SCTR: variants seen among roughly 807,000 people sequenced by gnomAD.
SCTR encodes the protein pancreatic secretin receptor.
In SCTR, 56 loss-of-function variants were observed where a neutral mutation model predicts 60.8. That is an observed-to-expected ratio of 0.92 (90% confidence interval 0.74 to 1.15). The LOEUF is 1.15. SCTR is among the 50% of genes most tolerant of loss of function. The pLI is 0.00. For synonymous variants in SCTR, 202 were observed against 217.0 expected, an observed-to-expected ratio of 0.93 and a Z score of 0.61; for missense variants, 562 against 550.4, an observed-to-expected ratio of 1.02 and a Z score of -0.21.
chr2:119,454,162 C>T (rs1375107885), intron 7 of SCTR, among the ~76,000 whole-genome samples: 1 of 152,166 alleles, frequency 6.6e-6, no homozygotes, highest in Non-Finnish European at 1.5e-5. Context: ...AACAGAAGTG[C>T]TGTCTGGGGC....
intron 7 of SCTR, among the ~76,000 whole-genome samples, chr2:119,459,040 C>A (rs1225578324): frequency 6.6e-6 from 1 of 152,214 alleles, no homozygotes; most frequent in East Asian, 1.9e-4. Context: ...TGTTAAAAAC[C>A]TTAAACGTGC....
chr2:119,459,583 C>T (rs151067912), intron 7 of SCTR, among the ~76,000 whole-genome samples: 23 of 152,298 alleles, frequency 1.5e-4, no homozygotes, highest in African/African-American at 5.3e-4. Flanking sequence ...CCTTCAGGGT[C>T]TCTTTGGTGT....
intron 1 of SCTR, 68 bp downstream of exon 1, chr2:119,524,087 G>C: frequency 7.7e-7 from 1 of 1,293,660 alleles, no homozygotes. Context: ...CATCCTGCCC[G>C]AGGCCGGAGA....
rs575038029 is a variant in SCTR at position 119,475,064 on chromosome 2, T to C, written c.302-1508A>G. ...GAGAGCACACGGAAAATGCCTAGGC[T>C]GGTGCCAGGCACAGAGCGGGCACCG... On this transcript the variant is annotated intron_variant, in intron 3 of 12. Coordinates refer to ENST00000019103, the MANE Select transcript of SCTR (RefSeq NM_002980.3). 7.2e-5 allele frequency among the ~76,000 whole-genome samples: 11 copies of C among 152,320 alleles called. No individual in the cohort carries two copies. The East Asian group carries it at 1.9e-3, about 27-fold the overall frequency.
chr2:119,512,150 TTA>T (rs1678966974), intron 1 of SCTR, among the ~76,000 whole-genome samples: 1 of 152,194 alleles, frequency 6.6e-6, no homozygotes, highest in East Asian at 1.9e-4. Context: ...TTAAAAAATA[TTA>T]TGTTTTTAAT....
chr2:119,479,372 A>G (rs766820709), intron 2 of SCTR: 49 of 762,442 alleles, frequency 6.4e-5, no homozygotes, highest in Non-Finnish European at 7.3e-5. Context: ...TCCTGCATGA[A>G]TTGGTTTGGG....
At chr2:119,510,490 G>A (rs1248415323) in intron 1 of SCTR, among the ~76,000 whole-genome samples, 1 of 152,184 alleles carries the variant, frequency 6.6e-6, no homozygotes, top group East Asian at 1.9e-4. Context: ...AGATGTGGGA[G>A]ATGAGAAACA....
At chr2:119,503,299 T>A (rs1394422620) in intron 1 of SCTR, among the ~76,000 whole-genome samples, 3 of 152,090 alleles carry the variant, frequency 2.0e-5, no homozygotes, top group African/African-American at 2.4e-5. Flanking sequence ...GGCAGTGGCG[T>A]CTTACACTTG....
chr2:119,497,772 A>T (rs540578315), intron 1 of SCTR, among the ~76,000 whole-genome samples: 15 of 152,300 alleles, frequency 9.8e-5, no homozygotes, highest in African/African-American at 2.9e-4. Context: ...GGAAGGGTGG[A>T]TAGAGAAAAG....
At chr2:119,515,773 G>A (rs1679093360) in intron 1 of SCTR, among the ~76,000 whole-genome samples, 1 of 152,150 alleles carries the variant, frequency 6.6e-6, no homozygotes, top group Non-Finnish European at 1.5e-5. Flanking sequence ...ACGTTGGCCT[G>A]AGCCATGTTG....
intron 3 of SCTR, among the ~76,000 whole-genome samples, chr2:119,477,666 G>A (rs1677393451): frequency 6.6e-6 from 1 of 152,150 alleles, no homozygotes; most frequent in South Asian, 2.1e-4. Context: ...GGCCAGGCTG[G>A]TCTCGAACTC....
chr2:119,504,234 C>T lies in SCTR; in HGVS notation c.73-9686G>A, dbSNP rs116652731. On this transcript the variant is annotated intron_variant, in intron 1 of 12. Transcript: ENST00000019103. Reference sequence around the variant, plus strand: ...CAATAAAATGAACCTTGAGCTCAGTCTCACACTTTACACAAAAATTAAAAT... The same window carrying T: ...CAATAAAATGAACCTTGAGCTCAGTTTCACACTTTACACAAAAATTAAAAT... Among the ~76,000 whole-genome samples the T allele has an allele frequency of 9.3e-3, 1,415 of 152,298 alleles. 33 individuals carry two copies. Among genetic ancestry groups the T allele is most frequent in the African/African-American group, 0.031 (1,271 of 41,564 alleles).
intron 1 of SCTR, among the ~76,000 whole-genome samples, chr2:119,497,242 C>A (rs1362479352): frequency 6.6e-6 from 1 of 151,982 alleles, no homozygotes; most frequent in Non-Finnish European, 1.5e-5. Flanking sequence ...AGTCACTAGG[C>A]TCCTCCCCCA....
rs187920209 is a variant in SCTR at position 119,460,197 on chromosome 2, A to G, written c.790+1650T>C. 1.8e-4 allele frequency among the ~76,000 whole-genome samples: 27 copies of G among 151,694 alleles called. 1 individual carries two copies. The Middle Eastern group carries it at 0.014, about 77-fold the overall frequency. ...GTAAATAAGGATTTAGACAAGCAGA[A>G]AAGGCAGCACAGGGCATTCCTGGCA... On this transcript the variant is annotated intron_variant, in intron 7 of 12. Transcript: ENST00000019103.
intron 2 of SCTR, chr2:119,484,786 G>A (rs997198997): frequency 5.3e-5 from 8 of 152,308 alleles, no homozygotes; most frequent in African/African-American, 1.9e-4. Flanking sequence ...GGGGGATGAA[G>A]AGGTATGCTG....
At chr2:119,478,107 C>A (rs1376039783) in intron 3 of SCTR, among the ~76,000 whole-genome samples, 1 of 152,204 alleles carries the variant, frequency 6.6e-6, no homozygotes, top group Admixed American at 6.5e-5. Context: ...CTTCATCTGG[C>A]AGCTTTGCTG....
At position 119,457,073 on chromosome 2, in the gene SCTR, GT is replaced by G. The variant is rs528115725; in HGVS notation, c.791-3727del. On this transcript the variant is annotated intron_variant, in intron 7 of 12. Transcript: ENST00000019103. ...TCTGTTGTTTTAAGCCACCAAGTTT[GT>G]GGCAATTTGTTAAGATAGCCTTAGG... Among the ~76,000 whole-genome samples, 350 of 152,308 alleles carry G rather than the reference GT, an allele frequency of 2.3e-3. 2 individuals carry two copies. The highest frequency in any genetic ancestry group is 8.0e-3 in the African/African-American group (332 of 41,568).
intron 4 of SCTR, among the ~76,000 whole-genome samples, chr2:119,470,762 G>A (rs1473887872): frequency 6.6e-6 from 1 of 152,108 alleles, no homozygotes; most frequent in Non-Finnish European, 1.5e-5. Context: ...GCGCAGTGGC[G>A]AGATCTTGGC....
chr2:119,483,632 T>C (rs1210511191), intron 2 of SCTR, among the ~76,000 whole-genome samples: 1 of 152,182 alleles, frequency 6.6e-6, no homozygotes, highest in Non-Finnish European at 1.5e-5. Context: ...TGGTTGAACA[T>C]TTTTTCATAG....
Sources: allele counts gnomAD v4.1 joint callset (sites outside exome capture counted in the v4.1 genomes callset), GRCh38; gene constraint gnomAD v4.1.1; transcripts MANE v1.5; gene names NCBI Gene and HGNC (gene_info 2026-07-23, HGNC 2026-07-21).